The following PSD2 variants were observed in gnomAD, a reference collection of about 807,000 sequenced individuals.
PSD2 encodes pleckstrin and Sec7 domain containing 2, also known as PH and SEC7 domain-containing protein 2.
Under a neutral mutation model 69.8 loss-of-function variants are expected in PSD2, and 38 were observed. That is an observed-to-expected ratio of 0.54 (90% confidence interval 0.42 to 0.71). PSD2 has a LOEUF of 0.71. PSD2 is among the 30% of genes least tolerant of loss of function. The pLI is 0.00. For missense variants in PSD2, 943 were observed against 1,014.5 expected (o/e 0.93, Z 0.96); for synonymous variants, 412 against 423.0 (o/e 0.97, Z 0.32).
chr5:139,842,839 G>C lies in PSD2; in HGVS notation c.*365G>C, dbSNP rs1222274730. On this transcript the variant is annotated 3_prime_UTR_variant, in exon 15 of 15. Transcript: ENST00000274710. ...GCTCCTCTCCTCATCTTTTTTGTGT[G>C]TGAGGGCAGGTCTTGACTCTAGGTC... The C allele has an allele frequency of 5.2e-6, 1 of 192,446 alleles. No individual in the cohort carries two copies. Among genetic ancestry groups the C allele is most frequent in the Non-Finnish European group, 1.1e-5 (1 of 92,600 alleles). 11.9% of individuals were successfully genotyped at this position (192,446 alleles called of 1,614,324 possible).
chr5:139,783,229 G>A, the PSD2 span, among the ~76,000 whole-genome samples: 36 of 152,260 alleles, frequency 2.4e-4, no homozygotes, highest in African/African-American at 8.7e-4. Flanking sequence ...GAGCCCAGGA[G>A]TTCAAGGTCA....
the PSD2 span, among the ~76,000 whole-genome samples, chr5:139,781,189 C>G: frequency 6.6e-6 from 1 of 152,140 alleles, no homozygotes; most frequent in African/African-American, 2.4e-5. Context: ...AAGGGTGGAG[C>G]CTCTAGAGAT....
the PSD2 span, among the ~76,000 whole-genome samples, chr5:139,752,873 C>T: frequency 6.6e-6 from 1 of 152,202 alleles, no homozygotes; most frequent in Non-Finnish European, 1.5e-5. Flanking sequence ...AACACGGCAG[C>T]GCCCCTGCCC....
rs1760808629 is a variant in PSD2, at chr5:139,839,028, G to T, written c.1968+256G>T. On this transcript the variant is annotated intron_variant, in intron 13 of 14. Transcript: ENST00000274710. This position sits in a 1 kb window ranked among gnomAD's most constrained non-coding sequence, Gnocchi z 5.1. The stretch of plus-strand genomic sequence containing the variant: ...TCTATGCCAGTGCATCCCTGTGGAT[G>T]TGACCGAGAGTTGGTGGCCTTGTGT... 6.6e-6 allele frequency among the ~76,000 whole-genome samples: 1 copy of T among 152,256 alleles called. No individual in the cohort carries two copies. Among genetic ancestry groups the T allele is most frequent in the South Asian group, 2.1e-4 (1 of 4,838 alleles).
rs112726999 is a variant in PSD2, at chr5:139,823,441, G to T, written c.1269+657G>T. Among the ~76,000 whole-genome samples the T allele has an allele frequency of 3.8e-3, 583 of 152,296 alleles. 2 individuals are homozygous for T. Among genetic ancestry groups the T allele is most frequent in the Admixed American group, 6.7e-3 (102 of 15,300 alleles). ...GCCCCATCATTGCTCACCCATGGTG[G>T]TTGGAGCCCCCTGCTAGGTAGGGAA... On this transcript the variant is annotated intron_variant, in intron 7 of 14. Coordinates refer to ENST00000274710, the MANE Select transcript of PSD2 (RefSeq NM_032289.4).
chr5:139,767,408 G>T, the PSD2 span, among the ~76,000 whole-genome samples: 2 of 151,842 alleles, frequency 1.3e-5, no homozygotes, highest in Non-Finnish European at 2.9e-5. Flanking sequence ...TCCACCTCCC[G>T]GATTCAAGGG....
rs376815144 is a variant in PSD2 at position 139,822,713 on chromosome 5, A to G, written c.1211-13A>G. Reference sequence around the variant, plus strand: ...GGATCCTCGCACTGAGAGTGCCACCATCTCTGACTCAGATGGGATCCACAC... The same window carrying G: ...GGATCCTCGCACTGAGAGTGCCACCGTCTCTGACTCAGATGGGATCCACAC... On this transcript the variant is annotated splice_polypyrimidine_tract_variant and intron_variant, in intron 6 of 14. Transcript: ENST00000274710. 1.2e-5 allele frequency: 19 copies of G among 1,607,022 alleles called. No homozygotes were observed. The highest frequency in any genetic ancestry group is 1.7e-5 in the Admixed American group (1 of 59,184).
chr5:139,840,044 T>C lies in PSD2; in HGVS notation c.1986T>C (p.Ser662=). 6.2e-7 allele frequency: 1 copy of C among 1,614,214 alleles called. No homozygotes were observed. Among genetic ancestry groups the C allele is most frequent in the Non-Finnish European group, 8.5e-7 (1 of 1,180,026 alleles). Residue 662 remains serine, a synonymous_variant, in exon 14 of 15, where the codon TCT becomes TCC. Coordinates refer to ENST00000274710, the MANE Select transcript of PSD2 (RefSeq NM_032289.4). ...CTTTGCAGGAGGAGCAACTGCGGTCTCATGAGAATAAGTTGAGGCAGCTGA... is the reference window on the plus strand; with the variant it reads ...CTTTGCAGGAGGAGCAACTGCGGTCCCATGAGAATAAGTTGAGGCAGCTGA... ...TRLCQEEQLR[S]HENKLRQLTA...
intron 7 of PSD2, among the ~76,000 whole-genome samples, chr5:139,832,728 T>C (rs577531741): frequency 6.6e-6 from 1 of 152,182 alleles, no homozygotes; most frequent in Non-Finnish European, 1.5e-5. Flanking sequence ...ATCCACAAAA[T>C]CCTTCAGTGA....
At position 139,822,803 on chromosome 5, in the gene PSD2, G is replaced by C. The variant is rs780223354; in HGVS notation, c.1269+19G>C. 2 of 1,595,246 alleles carry C rather than the reference G, an allele frequency of 1.3e-6. No individual in the cohort carries two copies. Among genetic ancestry groups the C allele is most frequent in the Non-Finnish European group, 1.7e-6 (2 of 1,169,888 alleles). ...CGGCCACGTGAGTTGGGGAGGTGAC[G>C]GGGGGTGTCGCATGTCCTCTCAGGG... On this transcript the variant is annotated intron_variant, in intron 7 of 14. Transcript: ENST00000274710.
chr5:139,778,958 AAAAAG>A, the PSD2 span, among the ~76,000 whole-genome samples: 35 of 151,718 alleles, frequency 2.3e-4, no homozygotes, highest in Non-Finnish European at 4.4e-4. Context: ...AAAAAAAAAA[AAAAAG>A]AAAGAAAAAA....
At chr5:139,783,200 G>A in the PSD2 span, among the ~76,000 whole-genome samples, 5 of 152,184 alleles carry the variant, frequency 3.3e-5, no homozygotes, top group Admixed American at 6.5e-5. Context: ...TTTGGGAGGC[G>A]GAGGTGGGAG....
the PSD2 span, among the ~76,000 whole-genome samples, chr5:139,752,886 G>A: frequency 6.6e-5 from 10 of 152,186 alleles, no homozygotes; most frequent in East Asian, 1.9e-4. Context: ...CCCTGCCCGC[G>A]TGGGCTGCCC....
chr5:139,766,836 T>TTTCC, the PSD2 span, among the ~76,000 whole-genome samples: 39 of 135,270 alleles, frequency 2.9e-4, 3 homozygotes, highest in African/African-American at 9.7e-4. Flanking sequence ...TCCTTCTTTC[T>TTTCC]TTCTTTCTTT....
intron 7 of PSD2, among the ~76,000 whole-genome samples, chr5:139,823,263 T>C (rs1033850791): frequency 6.6e-6 from 1 of 152,192 alleles, no homozygotes; most frequent in African/African-American, 2.4e-5. Flanking sequence ...CTCCTTCTTC[T>C]TTCCTCTATC....
At chr5:139,770,520 C>T in the PSD2 span, among the ~76,000 whole-genome samples, 6 of 152,148 alleles carry the variant, frequency 3.9e-5, 1 homozygote, top group Admixed American at 1.3e-4. Flanking sequence ...GAGCTGAGAT[C>T]GCGGCACTAC....
intron 1 of PSD2, among the ~76,000 whole-genome samples, chr5:139,797,108 A>G (rs1175656366): frequency 2.6e-5 from 4 of 151,818 alleles, no homozygotes. Flanking sequence ...TCATTCTTCC[A>G]CCCTCTCCCC....
At chr5:139,766,925 CT>C in the PSD2 span, among the ~76,000 whole-genome samples, 1 of 25,644 alleles carries the variant, frequency 3.9e-5, no homozygotes, top group African/African-American at 1.5e-4. Context: ...TCCTTCCTTC[CT>C]TCCCTTCTTT....
At chr5:139,744,057 A>G in the PSD2 span, among the ~76,000 whole-genome samples, 618 of 152,288 alleles carry the variant, frequency 4.1e-3, 5 homozygotes, top group African/African-American at 0.014. Context: ...CCCAAATCCT[A>G]GAAGCCTGCC....
Sources: gnomAD v4.1 joint callset for allele counts (sites outside exome capture counted in the v4.1 genomes callset) on GRCh38, gnomAD v4.1.1 for gene constraint, Gnocchi (gnomAD v3.1) non-coding constraint, MANE v1.5 for transcripts, NCBI Gene and HGNC (gene_info 2026-07-23, HGNC 2026-07-21) for gene names.